ARB2A: variants seen among roughly 807,000 people sequenced by gnomAD.
ARB2A encodes the protein ARB2 cotranscriptional regulator A, also known as cotranscriptional regulator ARB2A.
At chr5:93,780,898 G>T in the ARB2A span, among the ~76,000 whole-genome samples, 1 of 152,118 alleles carries the variant, frequency 6.6e-6, no homozygotes, top group Non-Finnish European at 1.5e-5. Context: ...CTAATATTTA[G>T]AAATTACACA....
the ARB2A span, among the ~76,000 whole-genome samples, chr5:93,767,590 A>G: frequency 6.6e-6 from 1 of 152,158 alleles, no homozygotes; most frequent in Non-Finnish European, 1.5e-5. Flanking sequence ...TAAGTAGCAC[A>G]ACTGACAATT....
the ARB2A span, among the ~76,000 whole-genome samples, chr5:94,035,253 A>ACATATACATATACATATACATATG: frequency 3.0e-4 from 45 of 151,980 alleles, no homozygotes; most frequent in African/African-American, 1.1e-3. Context: ...ATATACATAT[A>ACATATACATATACATATACATATG]CATCACTATA....
At chr5:93,730,753 C>T in the ARB2A span, among the ~76,000 whole-genome samples, 1 of 152,134 alleles carries the variant, frequency 6.6e-6, no homozygotes, top group Non-Finnish European at 1.5e-5. Context: ...CACATATCAA[C>T]TTTTCTGGGG....
the ARB2A span, among the ~76,000 whole-genome samples, chr5:93,949,348 G>A: frequency 6.6e-6 from 1 of 151,902 alleles, no homozygotes; most frequent in African/African-American, 2.4e-5. Context: ...AGATGACAAG[G>A]TCAAGAGATC....
the ARB2A span, among the ~76,000 whole-genome samples, chr5:93,674,026 A>T: frequency 6.6e-6 from 1 of 152,212 alleles, no homozygotes; most frequent in South Asian, 2.1e-4. Flanking sequence ...TATTGGAGGG[A>T]TCATTTATCT....
the ARB2A span, among the ~76,000 whole-genome samples, chr5:93,693,994 C>G: frequency 0.034 from 5,212 of 152,184 alleles, 141 homozygotes; most frequent in East Asian, 0.13. Context: ...ATTCAACACC[C>G]CTTCATGCTA....
the ARB2A span, among the ~76,000 whole-genome samples, chr5:93,764,116 C>T: frequency 1.3e-3 from 205 of 152,246 alleles, 4 homozygotes; most frequent in East Asian, 0.029. Context: ...AAAATTGACA[C>T]CCTAATATCA....
the ARB2A span, among the ~76,000 whole-genome samples, chr5:93,944,751 C>T: frequency 6.6e-6 from 1 of 151,988 alleles, no homozygotes; most frequent in African/African-American, 2.4e-5. Context: ...ATTCAAACAT[C>T]AGGACAAAAT....
At chr5:93,803,164 T>A in the ARB2A span, among the ~76,000 whole-genome samples, 2 of 152,102 alleles carry the variant, frequency 1.3e-5, no homozygotes, top group Admixed American at 6.6e-5. Flanking sequence ...AATGAGGACT[T>A]GTTTTTTCCT....
chr5:94,055,935 T>G, the ARB2A span: 1 of 983,368 alleles, frequency 1.0e-6, no homozygotes, highest in Admixed American at 6.1e-5. Flanking sequence ...TATATATCAC[T>G]TTAAAGATTT....
the ARB2A span, among the ~76,000 whole-genome samples, chr5:93,807,508 T>A: frequency 6.6e-6 from 1 of 151,944 alleles, no homozygotes; most frequent in Non-Finnish European, 1.5e-5. Context: ...GTGAAACTAA[T>A]CAAACTCCTC....
the ARB2A span, among the ~76,000 whole-genome samples, chr5:93,880,032 C>T: frequency 9.2e-5 from 14 of 151,734 alleles, no homozygotes; most frequent in African/African-American, 2.9e-4. Context: ...ATCATGACCC[C>T]GATGTAATCA....
the ARB2A span, among the ~76,000 whole-genome samples, chr5:93,910,404 A>T: frequency 6.6e-6 from 1 of 151,380 alleles, no homozygotes; most frequent in Admixed American, 6.6e-5. Context: ...CTTTTACAGT[A>T]TGATTCTAAA....
chr5:93,981,083 T>TC, the ARB2A span, among the ~76,000 whole-genome samples: 15 of 151,614 alleles, frequency 9.9e-5, no homozygotes, highest in East Asian at 1.7e-3. Flanking sequence ...TTTTTTTTTT[T>TC]CGGTAAAGGT....
chr5:93,885,928 C>A, the ARB2A span, among the ~76,000 whole-genome samples: 1 of 151,692 alleles, frequency 6.6e-6, no homozygotes, highest in East Asian at 1.9e-4. Context: ...ATTCAACCAA[C>A]AAATGATGGC....
the ARB2A span, among the ~76,000 whole-genome samples, chr5:93,709,660 A>G: frequency 2.7e-3 from 395 of 146,074 alleles, 3 homozygotes; most frequent in African/African-American, 9.6e-3. Flanking sequence ...AAAAAAAACC[A>G]TAAATAAATA....
chr5:93,838,440 A>C, the ARB2A span, among the ~76,000 whole-genome samples: 12 of 151,830 alleles, frequency 7.9e-5, no homozygotes, highest in South Asian at 2.3e-3. Flanking sequence ...TGATACCTCC[A>C]CCTTTGTTCT....
chr5:94,045,563 A>G, the ARB2A span, among the ~76,000 whole-genome samples: 1 of 152,216 alleles, frequency 6.6e-6, no homozygotes, highest in African/African-American at 2.4e-5. Context: ...GAAACAGGAA[A>G]ATTATCATTT....
chr5:94,024,437 T>A, the ARB2A span, among the ~76,000 whole-genome samples: 1 of 152,118 alleles, frequency 6.6e-6, no homozygotes, highest in Non-Finnish European at 1.5e-5. Flanking sequence ...TTAAAATACA[T>A]GTCTTTATGA....
Sources: allele counts gnomAD v4.1 joint callset (sites outside exome capture counted in the v4.1 genomes callset), GRCh38; gene constraint gnomAD v4.1.1; transcripts MANE v1.5; gene names NCBI Gene and HGNC (gene_info 2026-07-23, HGNC 2026-07-21).